Variants in CRIM1 observed in about 807,000 individuals in gnomAD.
CRIM1 encodes cysteine rich transmembrane BMP regulator 1.
Under a neutral mutation model 116.4 loss-of-function variants are expected in CRIM1, and 32 were observed. The observed-to-expected ratio is 0.27, with a 90% CI of 0.21 to 0.37. CRIM1 has a LOEUF of 0.37. Ranked by LOEUF, CRIM1 falls within the 10% of genes least tolerant of loss-of-function variation. CRIM1 has a pLI of 1.00. For synonymous variants in CRIM1, 590 were observed against 509.2 expected (o/e 1.16, Z -2.13); for missense variants, 1,331 against 1,354.8 (o/e 0.98, Z 0.28).
intron 13 of CRIM1, among the ~76,000 whole-genome samples, chr2:36,536,423 A>G (rs1331057579): frequency 6.6e-6 from 1 of 152,172 alleles, no homozygotes; most frequent in Admixed American, 6.5e-5. Context: ...GAATCTGAAC[A>G]CAAAATGTCC....
At chr2:36,504,562 G>A (rs1681251654) in intron 8 of CRIM1, among the ~76,000 whole-genome samples, 1 of 152,144 alleles carries the variant, frequency 6.6e-6, no homozygotes, top group Non-Finnish European at 1.5e-5. Context: ...AAGAAAAGTA[G>A]TACTCCAGGA....
At chr2:36,462,996 C>T (rs1352539515) in intron 4 of CRIM1, among the ~76,000 whole-genome samples, 1 of 152,184 alleles carries the variant, frequency 6.6e-6, no homozygotes, top group Non-Finnish European at 1.5e-5. Context: ...GCTCTACTCA[C>T]ACAAAACAGG....
chr2:36,532,508 A>G (rs920403414), intron 13 of CRIM1, among the ~76,000 whole-genome samples: 1 of 152,236 alleles, frequency 6.6e-6, no homozygotes, highest in African/African-American at 2.4e-5. Flanking sequence ...TGTGTGAGGT[A>G]TGATGCAGTC....
At chr2:36,369,350 G>C (rs1433383590) in intron 1 of CRIM1, 1 of 152,210 alleles carries the variant, frequency 6.6e-6, no homozygotes, top group African/African-American at 2.4e-5. Context: ...GATCTCAAGT[G>C]TCCTGAAAGC....
At chr2:36,363,539 C>G (rs935134763) in intron 1 of CRIM1, among the ~76,000 whole-genome samples, 3 of 144,828 alleles carry the variant, frequency 2.1e-5, no homozygotes, top group South Asian at 2.3e-4. Context: ...GCCCCCCCCC[C>G]CCATGACTAT....
chr2:36,512,313 T>C lies in CRIM1; in HGVS notation c.1699T>C (p.Cys567Arg), dbSNP rs1253729158. The C allele has an allele frequency of 6.2e-7, 1 of 1,613,842 alleles. No individual in the cohort carries two copies. Among genetic ancestry groups the C allele is most frequent in the African/African-American group, 1.3e-5 (1 of 74,942 alleles). The change falls in exon 10 of 17, where the codon TGT (cysteine) becomes CGT (arginine). Residue 567 changes from cysteine (C) to arginine (R), a missense_variant. By Grantham distance (180) the Cys-to-Arg change is radical (BLOSUM62 -3). Around this residue, in one of 3 missense-constraint regions of CRIM1, gnomAD observed 358 missense variants for 436.1 expected, o/e 0.82. Transcript: ENST00000280527. ...CTGTGACATCTGTCGCTGTAAGAAA[T>C]GTCCAGAGCTCTCATGCAGTAAGAT... ...HGCDICRCKK[C>R]PELSCSKICP...
At chr2:36,493,903 T>C (rs1367583038) in intron 7 of CRIM1, among the ~76,000 whole-genome samples, 1 of 152,212 alleles carries the variant, frequency 6.6e-6, no homozygotes, top group Non-Finnish European at 1.5e-5. Context: ...TGTTCATTTT[T>C]ATTGTTCTCC....
chr2:36,448,671 A>G (rs999564609), intron 4 of CRIM1, among the ~76,000 whole-genome samples: 1 of 79,750 alleles, frequency 1.3e-5, no homozygotes, highest in Non-Finnish European at 2.4e-5. Flanking sequence ...CCTATTTTAA[A>G]TTTATTTTTA....
intron 5 of CRIM1, among the ~76,000 whole-genome samples, chr2:36,470,387 G>T (rs1678403399): frequency 6.6e-6 from 1 of 152,198 alleles, no homozygotes; most frequent in Non-Finnish European, 1.5e-5. Flanking sequence ...TCTATGGAAA[G>T]AAGATGCCAC....
chr2:36,362,725 AAC>A (rs1286553444), intron 1 of CRIM1, among the ~76,000 whole-genome samples: 1 of 152,200 alleles, frequency 6.6e-6, no homozygotes, highest in Non-Finnish European at 1.5e-5. Context: ...CCTCAAGGTA[AAC>A]ACTAAACTCT....
intron 13 of CRIM1, among the ~76,000 whole-genome samples, chr2:36,525,359 C>T (rs140893467): frequency 1.3e-4 from 20 of 152,258 alleles, no homozygotes; most frequent in Admixed American, 2.6e-4. Flanking sequence ...GGCTTGTTCT[C>T]TTATCAACTA....
At chr2:36,530,699 A>G (rs1474840938) in intron 13 of CRIM1, among the ~76,000 whole-genome samples, 3 of 152,134 alleles carry the variant, frequency 2.0e-5, no homozygotes, top group East Asian at 3.8e-4. Flanking sequence ...CCCCTTTCTA[A>G]ATCTCATGTT....
At chr2:36,464,481 T>A (rs2125007825) in intron 4 of CRIM1, 53 bp from the exon 5 acceptor site, 1 of 1,607,622 alleles carries the variant, frequency 6.2e-7, no homozygotes, top group East Asian at 2.2e-5. Flanking sequence ...GTCTCCCGAC[T>A]TCTATGTTGT....
In CRIM1 at chr2:36,548,970, A is replaced by G. The variant is rs997877735; in HGVS notation, c.*269A>G. The G allele has an allele frequency of 1.1e-4, 24 of 215,020 alleles. No individual in the cohort carries two copies. The highest frequency in any genetic ancestry group is 3.2e-4 in the African/African-American group (14 of 43,814). The allele number at this position is 215,020 out of a possible 1,614,324, so 13.3% of individuals were successfully genotyped here. A position where few individuals can be genotyped will look rare whatever the true frequency, so the allele number is the denominator to read the frequency against. On this transcript the variant is annotated 3_prime_UTR_variant, in exon 17 of 17. Coordinates refer to ENST00000280527, the MANE Select transcript of CRIM1 (RefSeq NM_016441.3). The stretch of plus-strand genomic sequence containing the variant: ...ATTTGCCTGTAAGATAGCTGTAGAG[A>G]TATTTGGGGTGGGGACAGTGAGTTT...
chr2:36,359,218 C>T (rs182760878), intron 1 of CRIM1, among the ~76,000 whole-genome samples: 1 of 152,260 alleles, frequency 6.6e-6, no homozygotes, highest in Admixed American at 6.5e-5. Flanking sequence ...AAAATGACCC[C>T]TACTGGTTGT....
chr2:36,358,300 G>C (rs1668991425), intron 1 of CRIM1, among the ~76,000 whole-genome samples: 1 of 152,208 alleles, frequency 6.6e-6, no homozygotes, highest in South Asian at 2.1e-4. Flanking sequence ...ACTAAAAGAT[G>C]CATCTTTGAA....
chr2:36,409,595 A>G (rs565536399), intron 2 of CRIM1, among the ~76,000 whole-genome samples: 60 of 152,360 alleles, frequency 3.9e-4, no homozygotes, highest in African/African-American at 1.4e-3. Flanking sequence ...ACAAGGAGTT[A>G]TAATGAGGGT....
intron 1 of CRIM1, among the ~76,000 whole-genome samples, chr2:36,373,873 GTA>G (rs1394447741): frequency 1.3e-5 from 2 of 152,106 alleles, no homozygotes; most frequent in Non-Finnish European, 2.9e-5. Context: ...TGTAATAGGA[GTA>G]TGTTTTTCAA....
chr2:36,435,962 T>A (rs896791491), intron 2 of CRIM1, among the ~76,000 whole-genome samples: 3 of 151,608 alleles, frequency 2.0e-5, no homozygotes, highest in Admixed American at 6.6e-5. Context: ...CTGTTATCAG[T>A]GTAATCAGAC....
Sources: gnomAD v4.1 joint callset for allele counts (sites outside exome capture counted in the v4.1 genomes callset) on GRCh38, gnomAD v4.1.1 for gene constraint, gnomAD v4.1.1 regional missense constraint, MANE v1.5 for transcripts, NCBI Gene and HGNC (gene_info 2026-07-23, HGNC 2026-07-21) for gene names.